Variants in TCAF1 observed in about 807,000 individuals in gnomAD.
TCAF1 encodes the protein TRPM8 channel associated factor 1.
A neutral mutation model predicts 27.3 loss-of-function variants in TCAF1; 4 were observed. The ratio of observed to expected loss-of-function variants is 0.15; its 90% CI spans 0.07 to 0.34. The LOEUF is 0.34. Ranked by LOEUF, TCAF1 falls within the 10% of genes least tolerant of loss-of-function variation. The pLI, the probability that TCAF1 is intolerant of heterozygous loss-of-function variation, is 1.00. For missense variants in TCAF1, 257 were observed against 425.8 expected (o/e 0.60, Z 3.49); for synonymous variants, 105 against 167.1 (o/e 0.63, Z 2.87).
At chr7:143,884,929 A>G (rs1160620790) in intron 1 of TCAF1, 7 of 900,498 alleles carry the variant, frequency 7.8e-6, no homozygotes, top group Non-Finnish European at 9.3e-6. Context: ...AGACTGGTAG[A>G]AAGAAGCTGA....
rs1056343293 is a variant in TCAF1 at position 143,876,239 on chromosome 7, C to A, written c.370G>T (p.Val124Phe). ...TCATTGTAGGCATCAATACAGTAAA[C>A]CCCCAGGGAGTCTTTCACTTCTGGC... is the stretch of plus-strand genomic sequence containing the variant. ...VEPEVKDSLG[V>F]YCIDAYNETM... The change falls in exon 2 of 9, where the codon GTT (valine) becomes TTT (phenylalanine). Residue 124 changes from valine (V) to phenylalanine (F), a missense_variant. Transcript: ENST00000479870. The A allele has an allele frequency of 1.2e-6, 2 of 1,614,068 alleles. No homozygotes were observed. Among genetic ancestry groups the A allele is most frequent in the Admixed American group, 1.7e-5 (1 of 60,006 alleles).
At chr7:143,879,643 A>G (rs1812910000) in intron 1 of TCAF1, among the ~76,000 whole-genome samples, 1 of 152,200 alleles carries the variant, frequency 6.6e-6, no homozygotes, top group Non-Finnish European at 1.5e-5. Context: ...ACAAAATTAC[A>G]AAGGGAGATA....
At position 143,860,002 on chromosome 7, in the gene TCAF1, A is replaced by ATATATATTATGTATATTATATAT. The variant is rs1491155083; in HGVS notation, c.2167+205_2167+206insATATATAATATACATAATATATA. 4.3e-4 allele frequency among the ~76,000 whole-genome samples: 2 copies of ATATATATTATGTATATTATATAT among 4,662 alleles called. 1 individual carries two copies. Among genetic ancestry groups the ATATATATTATGTATATTATATAT allele is most frequent in the East Asian group, 5.6e-3 (2 of 354 alleles). The allele number at this position is 4,662 out of a possible 152,430, so 3.1% of individuals were successfully genotyped here. On this transcript the variant is annotated intron_variant, in intron 6 of 8. Transcript: ENST00000479870. ...TATATTATATAATATATATTATATA[A>ATATATATTATGTATATTATATAT]TATATATATAATATATATTATATAT...
chr7:143,882,823 A>C, intron 1 of TCAF1: 6 of 985,670 alleles, frequency 6.1e-6, no homozygotes, highest in Non-Finnish European at 7.2e-6. Context: ...GCTTCCCTGT[A>C]CCAGTGACTG....
chr7:143,896,573 G>T (rs752549891), intron 1 of TCAF1, among the ~76,000 whole-genome samples: 1 of 151,928 alleles, frequency 6.6e-6, no homozygotes, highest in Non-Finnish European at 1.5e-5. Flanking sequence ...TAGCTTCAGC[G>T]AATTTAAAAG....
chr7:143,877,359 A>T (rs1200527903), intron 1 of TCAF1, among the ~76,000 whole-genome samples: 1 of 152,082 alleles, frequency 6.6e-6, no homozygotes, highest in Non-Finnish European at 1.5e-5. Flanking sequence ...CTCCCACACT[A>T]ATCAGATTAA....
At chr7:143,882,389 C>T (rs1813099644) in intron 1 of TCAF1, 2 of 985,286 alleles carry the variant, frequency 2.0e-6, no homozygotes, top group African/African-American at 3.5e-5. Flanking sequence ...TCCGACAAAG[C>T]AGCGGATTAG....
chr7:143,870,526 A>G (rs1812407533), intron 2 of TCAF1, among the ~76,000 whole-genome samples: 1 of 151,734 alleles, frequency 6.6e-6, no homozygotes, highest in Non-Finnish European at 1.5e-5. Context: ...TTTTTCAGAT[A>G]TGTTATTGAA....
At chr7:143,882,904 TCCCCTCCTC>T (rs1348336518) in intron 1 of TCAF1, 2 of 970,004 alleles carry the variant, frequency 2.1e-6, no homozygotes, top group Non-Finnish European at 2.4e-6. Context: ...TCCACGGGAG[TCCCCTCCTC>T]CCCACTTCCT....
At chr7:143,898,488 G>C (rs1284027052) in intron 1 of TCAF1, among the ~76,000 whole-genome samples, 1 of 152,064 alleles carries the variant, frequency 6.6e-6, no homozygotes, top group Non-Finnish European at 1.5e-5. Context: ...ATTTTCTCAA[G>C]TTTGATTGAT....
intron 1 of TCAF1, among the ~76,000 whole-genome samples, chr7:143,900,527 C>CG (rs1195146233): frequency 1.3e-5 from 2 of 152,022 alleles, no homozygotes; most frequent in African/African-American, 4.8e-5. Context: ...CTCGACCCTA[C>CG]GCCTAGCCTT....
At chr7:143,891,009 G>A (rs1431909144) in intron 1 of TCAF1, among the ~76,000 whole-genome samples, 1 of 152,166 alleles carries the variant, frequency 6.6e-6, no homozygotes, top group Non-Finnish European at 1.5e-5. Context: ...GATTTCAGTT[G>A]ACACATAAGA....
intron 1 of TCAF1, among the ~76,000 whole-genome samples, chr7:143,883,482 TTTC>T (rs1484932628): frequency 3.3e-5 from 5 of 150,944 alleles, no homozygotes; most frequent in African/African-American, 1.2e-4. Flanking sequence ...TCAAATCGCA[TTTC>T]TTTCTTTCCT....
chr7:143,882,402 G>A (rs1562966149), intron 1 of TCAF1: 12 of 985,356 alleles, frequency 1.2e-5, no homozygotes, highest in Non-Finnish European at 1.3e-5. Context: ...CGGATTAGAC[G>A]CGGTTCTCTA....
chr7:143,887,687 G>C (rs1356159133), intron 1 of TCAF1, among the ~76,000 whole-genome samples: 1 of 152,050 alleles, frequency 6.6e-6, no homozygotes, highest in Non-Finnish European at 1.5e-5. Flanking sequence ...AATCCACCCT[G>C]CTCTCTATCA....
intron 1 of TCAF1, among the ~76,000 whole-genome samples, chr7:143,883,500 C>CTTTTTTTTTTTTTTTTT (rs374825743): frequency 4.1e-5 from 4 of 98,092 alleles, no homozygotes; most frequent in African/African-American, 8.5e-5. Context: ...TTTCCTTTTT[C>CTTTTTTTTTTTTTTTTT]TTTTTTTTTT....
chr7:143,898,962 C>A (rs1450467466), intron 1 of TCAF1, among the ~76,000 whole-genome samples: 1 of 152,160 alleles, frequency 6.6e-6, no homozygotes, highest in Non-Finnish European at 1.5e-5. Flanking sequence ...CCTTTCTCTG[C>A]CTTTATGCCA....
chr7:143,894,747 T>C (rs1813796205), intron 1 of TCAF1, among the ~76,000 whole-genome samples: 1 of 151,662 alleles, frequency 6.6e-6, no homozygotes. Flanking sequence ...GAGGTTCTTT[T>C]TATTAAAAGA....
intron 2 of TCAF1, among the ~76,000 whole-genome samples, chr7:143,865,320 A>AC (rs1345015573): frequency 1.0e-5 from 1 of 96,854 alleles, no homozygotes; most frequent in Non-Finnish European, 2.2e-5. Context: ...TCATGCAATT[A>AC]TTTTTTTTTA....
Sources: allele counts gnomAD v4.1 joint callset (sites outside exome capture counted in the v4.1 genomes callset), GRCh38; gene constraint gnomAD v4.1.1; transcripts MANE v1.5; gene names NCBI Gene and HGNC (gene_info 2026-07-23, HGNC 2026-07-21).